APBA1: variants seen among roughly 807,000 people sequenced by gnomAD.
The protein encoded by APBA1 is amyloid beta precursor protein binding family A member 1.
APBA1 carries 55 observed loss-of-function variants against 86.6 expected under a neutral mutation model. The ratio of observed to expected loss-of-function variants is 0.64; its 90% CI spans 0.51 to 0.80. The LOEUF (loss-of-function observed/expected upper bound fraction) is 0.80. Ranked by LOEUF, APBA1 falls within the 30% of genes least tolerant of loss-of-function variation. The probability of loss-of-function intolerance (pLI) is 0.00; values close to 1 mark genes in which losing one functional copy is unlikely to be tolerated. For synonymous variants in APBA1, 511 were observed against 493.9 expected, an observed-to-expected ratio of 1.03 and a Z score of -0.46; for missense variants, 1,090 against 1,183.0, an observed-to-expected ratio of 0.92 and a Z score of 1.15.
chr9:69,567,582 C>T (rs1423248716), intron 1 of APBA1, among the ~76,000 whole-genome samples: 1 of 152,002 alleles, frequency 6.6e-6, no homozygotes, highest in Non-Finnish European at 1.5e-5. Flanking sequence ...CCTCCACAAC[C>T]CCACAACAGG....
intron 1 of APBA1, among the ~76,000 whole-genome samples, chr9:69,658,222 CTCTTTCTTTCTTTCTT>C (rs1212486587): frequency 5.3e-4 from 55 of 104,302 alleles, no homozygotes; most frequent in African/African-American, 1.5e-3. Flanking sequence ...AGTCCTTTCT[CTCTTTCTTTCTTTCTT>C]TCTTTCTTTC....
chr9:69,436,320 T>C (rs1450440477), intron 11 of APBA1, among the ~76,000 whole-genome samples: 2 of 150,862 alleles, frequency 1.3e-5, no homozygotes, highest in Non-Finnish European at 3.0e-5. Flanking sequence ...GTGAAGAAAG[T>C]CATTGGTAGC....
intron 1 of APBA1, among the ~76,000 whole-genome samples, chr9:69,588,025 C>CAAAAAAAA (rs35212894): frequency 9.4e-6 from 1 of 106,678 alleles, no homozygotes; most frequent in Non-Finnish European, 1.8e-5. Context: ...GACTCTGTCT[C>CAAAAAAAA]AAAAAAAAAA....
chr9:69,535,363 G>A (rs1182608138), intron 1 of APBA1, among the ~76,000 whole-genome samples: 3 of 152,204 alleles, frequency 2.0e-5, no homozygotes, highest in African/African-American at 7.2e-5. Context: ...TGGTGCTAAT[G>A]ATAAGCCTGG....
rs1836291015 is a variant in APBA1, at chr9:69,523,493, ATAT to A, written c.-69-6217_-69-6215del. ...TATATATATGTATATATATATATAT[ATAT>A]GTATATATATATATATATATATATA... On this transcript the variant is annotated intron_variant, in intron 1 of 12. Coordinates refer to ENST00000265381, the MANE Select transcript of APBA1 (RefSeq NM_001163.4). 3.7e-4 allele frequency among the ~76,000 whole-genome samples: 5 copies of A among 13,576 alleles called. No individual in the cohort carries two copies. In the Admixed American group the frequency reaches 3.8e-3, roughly 10 times the overall value. The allele number at this position is 13,576 out of a possible 152,430, so 8.9% of individuals were successfully genotyped here.
intron 1 of APBA1, among the ~76,000 whole-genome samples, chr9:69,572,416 A>G (rs1293237034): frequency 2.6e-5 from 4 of 151,578 alleles, no homozygotes; most frequent in Admixed American, 2.6e-4. Context: ...CATCTCCCTC[A>G]CTCCTACTCC....
intron 2 of APBA1, among the ~76,000 whole-genome samples, chr9:69,512,070 T>TAATA (rs376385614): frequency 0.15 from 22,051 of 148,334 alleles, 2,101 homozygotes; most frequent in East Asian, 0.28. Context: ...ACTTAAAGTA[T>TAATA]AATAAATAAA....
chr9:69,672,282 A>AGCTGCC lies in APBA1; in HGVS notation c.-205_-200dup, dbSNP rs1343931008. 5.7e-6 allele frequency: 1 copy of AGCTGCC among 176,212 alleles called. No individual in the cohort carries two copies. The highest frequency in any genetic ancestry group is 1.1e-5 in the Non-Finnish European group (1 of 87,054). The allele number at this position is 176,212 out of a possible 1,614,324, so 10.9% of individuals were successfully genotyped here. A position where few individuals can be genotyped will look rare whatever the true frequency, so the allele number is the denominator to read the frequency against. ...CAGCGCCACCATCTTCTCCCGCCGC[A>AGCTGCC]GCTGCCGCCGCCGCCGCCGCCGCCG... On this transcript the variant is annotated 5_prime_UTR_variant, in exon 1 of 13. Coordinates refer to ENST00000265381, the MANE Select transcript of APBA1 (RefSeq NM_001163.4).
At chr9:69,602,139 T>A (rs181124093) in intron 1 of APBA1, among the ~76,000 whole-genome samples, 2 of 152,336 alleles carry the variant, frequency 1.3e-5, no homozygotes, top group Admixed American at 1.3e-4. Context: ...TTTTGCAATT[T>A]AAAAAAGTGA....
chr9:69,506,418 C>T (rs1427873116), intron 2 of APBA1, among the ~76,000 whole-genome samples: 3 of 118,490 alleles, frequency 2.5e-5, no homozygotes, highest in Non-Finnish European at 5.3e-5. Flanking sequence ...GAGGGTCCTA[C>T]GCCCACGGAG....
chr9:69,599,270 T>G (rs1822300528), intron 1 of APBA1, among the ~76,000 whole-genome samples: 1 of 152,250 alleles, frequency 6.6e-6, no homozygotes, highest in African/African-American at 2.4e-5. Flanking sequence ...ATTAGAGAAC[T>G]GCATTTCATT....
chr9:69,468,093 G>T, intron 4 of APBA1, 125 bp from the exon 5 acceptor site: 1 of 1,106,028 alleles, frequency 9.0e-7, no homozygotes, highest in Non-Finnish European at 1.3e-6. Flanking sequence ...CAACCTGCTG[G>T]TCTGAGGCAT....
chr9:69,658,282 TTCTCTCTCTCTTTCTCTCTCTCTC>T (rs1823666439), intron 1 of APBA1, among the ~76,000 whole-genome samples: 59 of 39,766 alleles, frequency 1.5e-3, no homozygotes, highest in East Asian at 4.7e-3. Context: ...CTTTCTTTCT[TTCTCTCTCTCTTTCTCTCTCTCTC>T]TTTCTTTCTT....
intron 1 of APBA1, among the ~76,000 whole-genome samples, chr9:69,587,993 T>C (rs1323799518): frequency 1.4e-5 from 2 of 138,558 alleles, no homozygotes; most frequent in Non-Finnish European, 3.0e-5. Context: ...GCCATCGTAC[T>C]GCAGCCTGGG....
rs201507950 is a variant in APBA1, at chr9:69,506,084, G to A, written c.1200+9927C>T. Among the ~76,000 whole-genome samples, 90 of 151,830 alleles carry A rather than the reference G, an allele frequency of 5.9e-4. 5 individuals carry two copies. The East Asian group carries it at 0.015, about 26-fold the overall frequency. ...GAGCCAAGATGGCCGAATAGGAACA[G>A]CTCCGGTCTACAGCTCCCAGCGAGA... On this transcript the variant is annotated intron_variant, in intron 2 of 12. Transcript: ENST00000265381.
chr9:69,448,661 C>T (rs1429965521), intron 10 of APBA1, among the ~76,000 whole-genome samples: 2 of 150,466 alleles, frequency 1.3e-5, no homozygotes, highest in East Asian at 4.1e-4. Context: ...ACGAATTAAT[C>T]CCCTTCCTTC....
At chr9:69,495,884 G>A (rs1038951726) in intron 2 of APBA1, among the ~76,000 whole-genome samples, 6 of 152,032 alleles carry the variant, frequency 3.9e-5, no homozygotes, top group South Asian at 2.1e-4. Context: ...GCTAGGGGCC[G>A]CACCTCTAGG....
intron 2 of APBA1, among the ~76,000 whole-genome samples, chr9:69,513,251 ATTAAG>A (rs920170871): frequency 2.7e-4 from 41 of 152,236 alleles, no homozygotes; most frequent in African/African-American, 9.4e-4. Flanking sequence ...ATGCAAGAGA[ATTAAG>A]TTGTTCTCCT....
At position 69,609,853 on chromosome 9, in the gene APBA1, C is replaced by CAGCG. The variant is rs2133980955; in HGVS notation, c.-70+62296_-70+62299dup. ...TCCCTCTGTCACCCAGGCTGGCGTG[C>CAGCG]AGCGGCACAGTCATAACTCACTGCA... On this transcript the variant is annotated intron_variant, in intron 1 of 12. Transcript: ENST00000265381. 2.0e-5 allele frequency among the ~76,000 whole-genome samples: 3 copies of CAGCG among 152,262 alleles called. No homozygotes were observed. The South Asian group carries it at 6.2e-4, about 32-fold the overall frequency.
Sources: allele counts gnomAD v4.1 joint callset (sites outside exome capture counted in the v4.1 genomes callset), GRCh38; gene constraint gnomAD v4.1.1; transcripts MANE v1.5; gene names NCBI Gene and HGNC (gene_info 2026-07-23, HGNC 2026-07-21).